LMX1A: variants seen among roughly 807,000 people sequenced by gnomAD.
LMX1A encodes LIM homeobox transcription factor 1-alpha.
In LMX1A, 15 loss-of-function variants were observed where a neutral mutation model predicts 49.1. The ratio of observed to expected loss-of-function variants is 0.31; its 90% CI spans 0.20 to 0.47. LMX1A has a LOEUF of 0.47. Ranked by LOEUF, LMX1A falls within the 20% of genes least tolerant of loss-of-function variation. The probability of loss-of-function intolerance (pLI) is 1.00; values close to 1 mark genes in which losing one functional copy is unlikely to be tolerated. For synonymous variants in LMX1A, 167 were observed against 185.7 expected, an observed-to-expected ratio of 0.90 and a Z score of 0.82; for missense variants, 372 against 475.8, an observed-to-expected ratio of 0.78 and a Z score of 2.03.
chr1:165,273,431 C>T (rs972404997), intron 3 of LMX1A, among the ~76,000 whole-genome samples: 4 of 152,308 alleles, frequency 2.6e-5, no homozygotes, highest in South Asian at 4.1e-4. Context: ...AGCCAATTCA[C>T]ACAGGCAACT....
intron 3 of LMX1A, among the ~76,000 whole-genome samples, chr1:165,282,691 G>A (rs568025685): frequency 1.4e-4 from 21 of 152,152 alleles, no homozygotes; most frequent in African/African-American, 5.1e-4. Context: ...AGTTAGTAGG[G>A]TCTCCATCTA....
At chr1:165,262,602 T>C in intron 3 of LMX1A, among the ~76,000 whole-genome samples, 1 of 152,214 alleles carries the variant, frequency 6.6e-6, no homozygotes, top group East Asian at 1.9e-4. Flanking sequence ...ACTTGATTTC[T>C]TGAATGTCCT....
chr1:165,226,669 G>A (rs1253474557), intron 4 of LMX1A, among the ~76,000 whole-genome samples: 2 of 152,212 alleles, frequency 1.3e-5, no homozygotes, highest in East Asian at 1.9e-4. Flanking sequence ...TTGCTGTCAG[G>A]TTCTAAGTTG....
intron 3 of LMX1A, among the ~76,000 whole-genome samples, chr1:165,283,911 C>T (rs1654227779): frequency 6.6e-6 from 1 of 152,114 alleles, no homozygotes; most frequent in Non-Finnish European, 1.5e-5. Flanking sequence ...TCTCTAATGC[C>T]CCTTTGTTGC....
At chr1:165,216,510 C>A (rs1311071764) in intron 4 of LMX1A, among the ~76,000 whole-genome samples, 3 of 152,148 alleles carry the variant, frequency 2.0e-5, no homozygotes, top group African/African-American at 7.2e-5. Context: ...AGATCTCCTT[C>A]AAGGTAGGCA....
At chr1:165,274,931 A>G (rs943862084) in intron 3 of LMX1A, among the ~76,000 whole-genome samples, 3 of 151,996 alleles carry the variant, frequency 2.0e-5, no homozygotes, top group Non-Finnish European at 4.4e-5. Flanking sequence ...CCAGTGACTG[A>G]CACATAGTAG....
rs1390881114 is a variant in LMX1A, at chr1:165,310,595, C to T, written c.263+42481G>A. ...TGCAGTATGAGCAACCAACAGAAGG[C>T]TCATGCATCCAATGGGGTGGAGATG... On this transcript the variant is annotated intron_variant, in intron 3 of 8. Transcript: ENST00000342310. Among the ~76,000 whole-genome samples, 3 of 152,232 alleles carry T rather than the reference C, an allele frequency of 2.0e-5. No individual in the cohort carries two copies. The East Asian group carries it at 5.8e-4, about 29-fold the overall frequency.
chr1:165,339,917 T>G (rs1467412626), intron 3 of LMX1A, among the ~76,000 whole-genome samples: 2 of 152,086 alleles, frequency 1.3e-5, no homozygotes, highest in Non-Finnish European at 2.9e-5. Context: ...CAAAACTACC[T>G]CATCCCAAAG....
At chr1:165,303,799 A>G (rs1431420228) in intron 3 of LMX1A, among the ~76,000 whole-genome samples, 1 of 152,084 alleles carries the variant, frequency 6.6e-6, no homozygotes, top group Non-Finnish European at 1.5e-5. Context: ...TGCTCTAACA[A>G]TTATTTTTCT....
At chr1:165,339,357 T>G (rs997900559) in intron 3 of LMX1A, among the ~76,000 whole-genome samples, 2 of 152,238 alleles carry the variant, frequency 1.3e-5, no homozygotes, top group African/African-American at 4.8e-5. Flanking sequence ...CTGACAGGCA[T>G]GTGCATAGGC....
chr1:165,208,749 C>CCATT (rs1249995657), intron 6 of LMX1A, among the ~76,000 whole-genome samples: 1 of 152,200 alleles, frequency 6.6e-6, no homozygotes, highest in East Asian at 1.9e-4. Flanking sequence ...CGGGTTCACG[C>CCATT]CATTCTCCTG....
Position 165,355,191 on chromosome 1 carries a change from C to T in LMX1A, c.76+293G>A, listed in dbSNP as rs1223600919. 1.3e-5 allele frequency among the ~76,000 whole-genome samples: 2 copies of T among 152,086 alleles called. No homozygotes were observed. Among genetic ancestry groups the T allele is most frequent in the African/African-American group, 4.8e-5 (2 of 41,402 alleles). On this transcript the variant is annotated intron_variant, in intron 2 of 8. Coordinates refer to ENST00000342310, the MANE Select transcript of LMX1A (RefSeq NM_177398.4). The surrounding 1 kb of genome is among the most constrained non-coding windows in gnomAD (Gnocchi z 4.7). ...ATCAGCTCCGAGATTAAAAATCCAG[C>T]CCTGGGTATTTTTAATCACTTGCCA... is the stretch of plus-strand genomic sequence containing the variant.
At chr1:165,337,024 A>C (rs1371144839) in intron 3 of LMX1A, among the ~76,000 whole-genome samples, 1 of 152,202 alleles carries the variant, frequency 6.6e-6, no homozygotes. Flanking sequence ...CATTTAGTAC[A>C]CACATGAGGG....
intron 3 of LMX1A, among the ~76,000 whole-genome samples, chr1:165,295,504 A>G (rs1041249077): frequency 6.7e-6 from 1 of 150,214 alleles, no homozygotes; most frequent in Admixed American, 6.6e-5. Context: ...ACATAATGAC[A>G]TCACCTTGAC....
chr1:165,303,652 A>G (rs1270943741), intron 3 of LMX1A, among the ~76,000 whole-genome samples: 4 of 152,134 alleles, frequency 2.6e-5, no homozygotes, highest in Non-Finnish European at 5.9e-5. Context: ...TCAGACCACC[A>G]GCCCTCTGGG....
chr1:165,324,848 G>T (rs1199799635), intron 3 of LMX1A, among the ~76,000 whole-genome samples: 2 of 152,126 alleles, frequency 1.3e-5, no homozygotes, highest in Non-Finnish European at 2.9e-5. Context: ...GTGCTCTTTT[G>T]ATCTCAGCAT....
chr1:165,271,365 A>G (rs1413899793), intron 3 of LMX1A, among the ~76,000 whole-genome samples: 1 of 152,204 alleles, frequency 6.6e-6, no homozygotes, highest in African/African-American at 2.4e-5. Context: ...CCCTGATGAC[A>G]TTATTGAACT....
chr1:165,355,913 C>T lies in LMX1A; in HGVS notation c.-22-332G>A, dbSNP rs534875048. The stretch of plus-strand genomic sequence containing the variant: ...GAATCCGACTCCGCCCCAACCTATA[C>T]GAAGGTGGGCCCTCGGGACGTCTCT... On this transcript the variant is annotated intron_variant, in intron 1 of 8. Coordinates refer to ENST00000342310, the MANE Select transcript of LMX1A (RefSeq NM_177398.4). This position sits in a 1 kb window ranked among gnomAD's most constrained non-coding sequence, Gnocchi z 4.7. Among the ~76,000 whole-genome samples the T allele has an allele frequency of 6.6e-6, 1 of 152,290 alleles. No individual in the cohort carries two copies. Among genetic ancestry groups the T allele is most frequent in the African/African-American group, 2.4e-5 (1 of 41,560 alleles).
intron 5 of LMX1A, chr1:165,213,378 T>G: frequency 2.6e-6 from 1 of 386,876 alleles, no homozygotes; most frequent in Non-Finnish European, 4.6e-6. Context: ...ACTGTTCCCA[T>G]TGTGCTCTAT....
Sources: gnomAD v4.1 joint callset for allele counts (sites outside exome capture counted in the v4.1 genomes callset) on GRCh38, gnomAD v4.1.1 for gene constraint, Gnocchi (gnomAD v3.1) non-coding constraint, MANE v1.5 for transcripts, NCBI Gene and HGNC (gene_info 2026-07-23, HGNC 2026-07-21) for gene names.